ARID2: variants seen among roughly 807,000 people sequenced by gnomAD.
The protein encoded by ARID2 is AT-rich interactive domain-containing protein 2.
In ARID2, 32 loss-of-function variants were observed where a neutral mutation model predicts 184.6. That is an observed-to-expected ratio of 0.17 (90% CI 0.13 to 0.23). ARID2 has a LOEUF of 0.23. Among genes scored for constraint, ARID2 ranks in the 10% least tolerant of loss-of-function variants. ARID2 has a pLI of 1.00. For missense variants in ARID2, 1,696 were observed against 2,197.6 expected (o/e 0.77, Z 4.56); for synonymous variants, 836 against 772.6 (o/e 1.08, Z -1.36).
intron 3 of ARID2, among the ~76,000 whole-genome samples, chr12:45,753,662 G>T (rs1941510735): frequency 6.6e-6 from 1 of 152,068 alleles, no homozygotes; most frequent in South Asian, 2.1e-4. Context: ...GAGTGCAATA[G>T]TGCGATTGCG....
intron 6 of ARID2, among the ~76,000 whole-genome samples, chr12:45,822,824 T>G (rs1347534526): frequency 6.6e-6 from 1 of 152,146 alleles, no homozygotes; most frequent in Non-Finnish European, 1.5e-5. Flanking sequence ...GCCCCAGATG[T>G]ATAAAGCAAA....
intron 3 of ARID2, among the ~76,000 whole-genome samples, chr12:45,778,669 A>G (rs1294350929): frequency 6.6e-6 from 1 of 151,980 alleles, no homozygotes; most frequent in Non-Finnish European, 1.5e-5. Flanking sequence ...CTTAATTTTT[A>G]TTTAAATTAA....
At chr12:45,796,135 C>T (rs1942388146) in intron 3 of ARID2, among the ~76,000 whole-genome samples, 1 of 152,012 alleles carries the variant, frequency 6.6e-6, no homozygotes. Flanking sequence ...ATTCAGAACT[C>T]AGAAGGAATA....
At chr12:45,734,872 A>G (rs1359779390) in intron 3 of ARID2, among the ~76,000 whole-genome samples, 2 of 152,204 alleles carry the variant, frequency 1.3e-5, no homozygotes, top group Non-Finnish European at 1.5e-5. Flanking sequence ...ACTGATGCCA[A>G]TATTACAGCT....
intron 3 of ARID2, among the ~76,000 whole-genome samples, chr12:45,795,952 A>G (rs1942385135): frequency 6.6e-6 from 1 of 152,116 alleles, no homozygotes; most frequent in Non-Finnish European, 1.5e-5. Context: ...AAGCTGTTTT[A>G]AAGATTTGTT....
chr12:45,900,253 G>A (rs973408424), intron 20 of ARID2, among the ~76,000 whole-genome samples: 1 of 152,002 alleles, frequency 6.6e-6, no homozygotes, highest in African/African-American at 2.4e-5. Flanking sequence ...TGGAGATGGG[G>A]TTTCACCATG....
chr12:45,838,368 T>C (rs780579869), intron 10 of ARID2, among the ~76,000 whole-genome samples: 10 of 152,214 alleles, frequency 6.6e-5, no homozygotes, highest in Admixed American at 2.0e-4. Flanking sequence ...TAATAAAGAT[T>C]CAGCTTGAAA....
In ARID2 at chr12:45,817,840, C is replaced by A. The variant is rs2138093457; in HGVS notation, c.589C>A (p.Pro197Thr). ...GCACGTCATGCAACTTGAAAAAGAT[C>A]CTAAAATCATCACTTTACTACTTGC... ...SKHVMQLEKD[P>T]KIITLLLANA... Residue 197 changes from proline (P) to threonine (T), a missense_variant, in exon 5 of 21, where the codon CCT (proline) becomes ACT (threonine). Coordinates refer to ENST00000334344, the MANE Select transcript of ARID2 (RefSeq NM_152641.4). The A allele has an allele frequency of 6.2e-7, 1 of 1,613,082 alleles. No individual in the cohort carries two copies. Among genetic ancestry groups the A allele is most frequent in the Non-Finnish European group, 8.5e-7 (1 of 1,179,660 alleles).
At chr12:45,735,764 G>A (rs2137969993) in intron 3 of ARID2, among the ~76,000 whole-genome samples, 1 of 152,280 alleles carries the variant, frequency 6.6e-6, no homozygotes, top group Middle Eastern at 3.4e-3. Context: ...CTAGGTTAGT[G>A]TTATGTCTTA....
At position 45,838,039 on chromosome 12, in the gene ARID2, ATTCCTAT is replaced by A. The variant is rs1943253181; in HGVS notation, c.1330+336_1330+342del. 2.0e-5 allele frequency among the ~76,000 whole-genome samples: 3 copies of A among 152,350 alleles called. No homozygotes were observed. The South Asian group carries it at 6.2e-4, about 32-fold the overall frequency. On this transcript the variant is annotated intron_variant, in intron 10 of 20. Coordinates refer to ENST00000334344, the MANE Select transcript of ARID2 (RefSeq NM_152641.4). ...AACCAGGATTACATGGCTATCAGTA[ATTCCTAT>A]TTCTTCTCTTAATTTCTGTTGTTAC...
intron 4 of ARID2, among the ~76,000 whole-genome samples, chr12:45,816,586 G>C (rs908182925): frequency 6.6e-6 from 1 of 152,026 alleles, no homozygotes; most frequent in African/African-American, 2.4e-5. Context: ...TTATGCCAGA[G>C]AAATGAAAAA....
intron 16 of ARID2, among the ~76,000 whole-genome samples, chr12:45,861,821 C>A (rs1156911400): frequency 1.3e-5 from 2 of 151,980 alleles, no homozygotes; most frequent in Non-Finnish European, 2.9e-5. Context: ...ATCCCTCTGG[C>A]CTCGGCCTCC....
Position 45,907,397 on chromosome 12 carries a change from A to G in ARID2, c.*2319A>G. 4.3e-6 allele frequency: 1 copy of G among 233,426 alleles called. No homozygotes were observed. Among genetic ancestry groups the G allele is most frequent in the Non-Finnish European group, 8.5e-6 (1 of 117,904 alleles). 14.5% of individuals were successfully genotyped at this position (233,426 alleles called of 1,614,324 possible). Reference sequence around the variant, plus strand: ...CTGCAGGTTTAGAAAAATGGTTTTCATATTCACCATTCTTCCACCTCATTG... The same window carrying G: ...CTGCAGGTTTAGAAAAATGGTTTTCGTATTCACCATTCTTCCACCTCATTG... On this transcript the variant is annotated 3_prime_UTR_variant, in exon 21 of 21. Coordinates refer to ENST00000334344, the MANE Select transcript of ARID2 (RefSeq NM_152641.4).
rs1372913365 is a variant in ARID2 at position 45,907,986 on chromosome 12, T to A, written c.*2908T>A. ...CTCGTCTCATTACTTTATAGTCATG[T>A]CATGTATGTTTTTTTAACCATGAAA... is the stretch of plus-strand genomic sequence containing the variant. On this transcript the variant is annotated 3_prime_UTR_variant, in exon 21 of 21. Transcript: ENST00000334344. 1 of 229,384 alleles carries A rather than the reference T, an allele frequency of 4.4e-6. No individual in the cohort carries two copies. The highest frequency in any genetic ancestry group is 8.6e-6 in the Non-Finnish European group (1 of 115,812). 14.2% of individuals were successfully genotyped at this position (229,384 alleles called of 1,614,324 possible).
At chr12:45,768,705 A>G (rs1048887461) in intron 3 of ARID2, among the ~76,000 whole-genome samples, 1 of 152,178 alleles carries the variant, frequency 6.6e-6, no homozygotes, top group African/African-American at 2.4e-5. Context: ...AACCAGGGAA[A>G]TGAAGAGCTG....
intron 3 of ARID2, among the ~76,000 whole-genome samples, chr12:45,748,258 G>A (rs1336878935): frequency 6.6e-6 from 1 of 152,054 alleles, no homozygotes; most frequent in African/African-American, 2.4e-5. Flanking sequence ...GGTTATGATG[G>A]TGCATATCTG....
intron 16 of ARID2, among the ~76,000 whole-genome samples, chr12:45,885,708 A>G (rs937133422): frequency 1.3e-5 from 2 of 152,214 alleles, no homozygotes; most frequent in African/African-American, 2.4e-5. Context: ...TCATGGCAGA[A>G]GGAGAAGCAA....
intron 20 of ARID2, among the ~76,000 whole-genome samples, chr12:45,897,987 G>A (rs1384849456): frequency 3.3e-5 from 5 of 151,810 alleles, no homozygotes; most frequent in Non-Finnish European, 5.9e-5. Context: ...TAGTAGAGAC[G>A]AGGTCTCACC....
chr12:45,851,865 GAGGAAGCAA>G lies in ARID2; in HGVS notation c.3752_3760del (p.Lys1251_Ala1253del), dbSNP rs1943557478. The G allele has an allele frequency of 3.1e-6, 5 of 1,614,150 alleles. No individual in the cohort carries two copies. The highest frequency in any genetic ancestry group is 4.2e-6 in the Non-Finnish European group (5 of 1,180,014). On this transcript the variant is annotated inframe_deletion, in exon 15 of 21. Coordinates refer to ENST00000334344, the MANE Select transcript of ARID2 (RefSeq NM_152641.4). ...TGATAAAATAATTTGCCAAAAGGAGGAGGAAGCAAAGGAAGCAACAGGTTTACATGTTCA... is the reference window on the plus strand; with the variant it reads ...TGATAAAATAATTTGCCAAAAGGAGGAGGAAGCAACAGGTTTACATGTTCA...
Sources: gnomAD v4.1 joint callset for allele counts (sites outside exome capture counted in the v4.1 genomes callset) on GRCh38, gnomAD v4.1.1 for gene constraint, MANE v1.5 for transcripts, NCBI Gene and HGNC (gene_info 2026-07-23, HGNC 2026-07-21) for gene names.